Variants in PPP1R14B observed in about 807,000 individuals in gnomAD.
PPP1R14B encodes protein phosphatase 1 regulatory inhibitor subunit 14B.
PPP1R14B carries 4 observed loss-of-function variants against 14.7 expected under a neutral mutation model. That is an observed-to-expected ratio of 0.27 (90% CI 0.13 to 0.62). The LOEUF (loss-of-function observed/expected upper bound fraction) is 0.62, where lower values mean the gene tolerates loss of function less well. Ranked by LOEUF, PPP1R14B falls within the 20% of genes least tolerant of loss-of-function variation. The pLI, the probability that PPP1R14B is intolerant of heterozygous loss-of-function variation, is 0.85. For synonymous variants in PPP1R14B, 76 were observed against 87.3 expected, an observed-to-expected ratio of 0.87 and a Z score of 0.72; for missense variants, 138 against 201.5, an observed-to-expected ratio of 0.68 and a Z score of 1.91.
At chr11:64,245,081 C>T (rs2030821516) in intron 2 of PPP1R14B, 119 bp from the exon 3 acceptor site, 1 of 1,456,680 alleles carries the variant, frequency 6.9e-7, no homozygotes, top group South Asian at 1.3e-5. Context: ...GCCACAACAA[C>T]CTCACAGCTA....
At position 64,246,923 on chromosome 11, in the gene PPP1R14B, C is replaced by T. The variant is rs1414123793; in HGVS notation, c.-250G>A. 1 of 157,502 alleles carries T rather than the reference C, an allele frequency of 6.3e-6. No individual in the cohort carries two copies. Among genetic ancestry groups the T allele is most frequent in the African/African-American group, 2.4e-5 (1 of 41,204 alleles). 9.8% of individuals were successfully genotyped at this position (157,502 alleles called of 1,614,324 possible). A position where few individuals can be genotyped will look rare whatever the true frequency, so the allele number is the denominator to read the frequency against. On this transcript the variant is annotated 5_prime_UTR_variant, in exon 1 of 4. Coordinates refer to ENST00000309318, the MANE Select transcript of PPP1R14B (RefSeq NM_138689.3). ...GCGGCCGCCGCCCGAGCTGCAGCCGCCGAAGCGCTTTCTCTGTCTCGCTCT... is the reference window on the plus strand; with the variant it reads ...GCGGCCGCCGCCCGAGCTGCAGCCGTCGAAGCGCTTTCTCTGTCTCGCTCT...
At chr11:64,246,344 G>A in intron 1 of PPP1R14B, 72 bp downstream of exon 1, 1 of 1,538,914 alleles carries the variant, frequency 6.5e-7, no homozygotes, top group Non-Finnish European at 8.8e-7. Context: ...TGACAGGCGA[G>A]CTCACAGTGG....
At position 64,244,640 on chromosome 11, in the gene PPP1R14B, G is replaced by A. The variant is rs2030794743; in HGVS notation, c.*114C>T. On this transcript the variant is annotated 3_prime_UTR_variant, in exon 4 of 4. Transcript: ENST00000309318. ...GACCCCTGGGCCAGGGGCACGAGGA[G>A]CCCTGCTCATGGCACCAGGCCTGGC... is the stretch of plus-strand genomic sequence containing the variant. The A allele has an allele frequency of 3.3e-6, 5 of 1,515,982 alleles. No homozygotes were observed. Among genetic ancestry groups the A allele is most frequent in the Admixed American group, 1.9e-5 (1 of 53,160 alleles). The allele number at this position is 1,515,982 out of a possible 1,614,324, so 93.9% of individuals were successfully genotyped here. A position where few individuals can be genotyped will look rare whatever the true frequency, so the allele number is the denominator to read the frequency against.
intron 1 of PPP1R14B, 197 bp downstream of exon 1, chr11:64,246,219 G>A (rs938132556): frequency 1.1e-5 from 8 of 695,788 alleles, no homozygotes; most frequent in African/African-American, 1.8e-5. Context: ...GGCAGGGTCC[G>A]AGGCAACGGA....
intron 3 of PPP1R14B, 53 bp from the exon 4 acceptor site, chr11:64,244,875 G>A: frequency 3.7e-6 from 6 of 1,612,740 alleles, no homozygotes; most frequent in Non-Finnish European, 5.1e-6. Flanking sequence ...AAGATGACAG[G>A]AGCCGGGCTC....
chr11:64,245,194 G>A lies in PPP1R14B; in HGVS notation c.342+10C>T. 1 of 1,611,502 alleles carries A rather than the reference G, an allele frequency of 6.2e-7. No individual in the cohort carries two copies. Among genetic ancestry groups the A allele is most frequent in the East Asian group, 2.2e-5 (1 of 44,808 alleles). On this transcript the variant is annotated intron_variant, in intron 2 of 3. Transcript: ENST00000309318. The stretch of plus-strand genomic sequence containing the variant: ...GCCTCAGGCAACCCATCGCCCCCCA[G>A]CCCCCTCACCTTGACCCTGGCAGCC...
At chr11:64,246,179 A>T in intron 1 of PPP1R14B, 1 of 566,962 alleles carries the variant, frequency 1.8e-6, no homozygotes, top group Non-Finnish European at 3.1e-6. Flanking sequence ...GGAGGACACT[A>T]GGCTTGACCT....
In PPP1R14B at chr11:64,246,897, C is replaced by G. The variant is rs1198129726; in HGVS notation, c.-224G>C. The G allele has an allele frequency of 1.1e-5, 2 of 183,866 alleles. No homozygotes were observed. The highest frequency in any genetic ancestry group is 3.8e-4 in the East Asian group (2 of 5,232). The allele number at this position is 183,866 out of a possible 1,614,324, so 11.4% of individuals were successfully genotyped here. A position where few individuals can be genotyped will look rare whatever the true frequency, so the allele number is the denominator to read the frequency against. ...GCCGATCCGCCCGCCCTTTGTCCCCCGCGGCCGCCGCCCGAGCTGCAGCCG... is the reference window on the plus strand; with the variant it reads ...GCCGATCCGCCCGCCCTTTGTCCCCGGCGGCCGCCGCCCGAGCTGCAGCCG... On this transcript the variant is annotated 5_prime_UTR_variant, in exon 1 of 4. Transcript: ENST00000309318.
At chr11:64,245,036 C>A (rs2030818286) in intron 2 of PPP1R14B, 74 bp from the exon 3 acceptor site, 1 of 1,503,826 alleles carries the variant, frequency 6.6e-7, no homozygotes. Flanking sequence ...ATACCCACTT[C>A]CAAGAGACTG....
chr11:64,246,195 G>A (rs1458090874), intron 1 of PPP1R14B: 1 of 605,038 alleles, frequency 1.7e-6, no homozygotes, highest in Non-Finnish European at 2.8e-6. Context: ...GACCTGGGGA[G>A]TGGCATGATG....
rs1315654339 is a variant in PPP1R14B at position 64,245,248 on chromosome 11, G to A, written c.298C>T (p.Leu100Phe). 6.2e-7 allele frequency: 1 copy of A among 1,613,462 alleles called. No individual in the cohort carries two copies. Among genetic ancestry groups the A allele is most frequent in the Non-Finnish European group, 8.5e-7 (1 of 1,179,632 alleles). ...GCATCGTCACTCTCCATGTCCAGGAGCTCATCCACGTCAATCTCCAGTTCT... is the reference window on the plus strand; with the variant it reads ...GCATCGTCACTCTCCATGTCCAGGAACTCATCCACGTCAATCTCCAGTTCT... ...IPELEIDVDE[L>F]LDMESDDARA... is the part of the protein sequence containing the mutation. Residue 100 changes from leucine to phenylalanine, a missense_variant, in exon 2 of 4, where the codon CTC becomes TTC. Physicochemically the swap from Leu to Phe is conservative, Grantham distance 22 (BLOSUM62 0). Coordinates refer to ENST00000309318, the MANE Select transcript of PPP1R14B (RefSeq NM_138689.3).
In PPP1R14B at chr11:64,246,563, T is replaced by A. The variant is rs1449406754; in HGVS notation, c.111A>T (p.Ala37=). ...CGTCCGCCCCGCCCGGGCCCTCTCC[T>A]GCGGCCCCGGGGGGGCTCTGAAAGT... The part of the protein sequence containing the change: ...RVYFQSPPGA[A]GEGPGGADDE... Residue 37 remains alanine, a synonymous_variant, in exon 1 of 4, where the codon GCA becomes GCT. Coordinates refer to ENST00000309318, the MANE Select transcript of PPP1R14B (RefSeq NM_138689.3). 1.2e-6 allele frequency: 2 copies of A among 1,605,932 alleles called. No homozygotes were observed. Among genetic ancestry groups the A allele is most frequent in the Admixed American group, 3.4e-5 (2 of 59,590 alleles).
At chr11:64,246,253 G>C in intron 1 of PPP1R14B, 163 bp downstream of exon 1, 2 of 962,832 alleles carry the variant, frequency 2.1e-6, no homozygotes, top group South Asian at 3.4e-5. Context: ...ACTTAGGTCA[G>C]GCAAGAAAGA....
Position 64,246,733 on chromosome 11 carries a change from C to A in PPP1R14B, c.-60G>T. On this transcript the variant is annotated 5_prime_UTR_variant, in exon 1 of 4. Transcript: ENST00000309318. ...CCTCCCTGCGCCACCGCCTCCGGGA[C>A]GCCCGCCGGCTGGCTCGGGTTAGCT... 2.0e-6 allele frequency: 2 copies of A among 996,710 alleles called. No homozygotes were observed. Among genetic ancestry groups the A allele is most frequent in the Non-Finnish European group, 1.2e-6 (1 of 839,142 alleles). 61.7% of individuals were successfully genotyped at this position (996,710 alleles called of 1,614,324 possible). A position where few individuals can be genotyped will look rare whatever the true frequency, so the allele number is the denominator to read the frequency against.
At chr11:64,245,577 T>G in intron 1 of PPP1R14B, 1 of 408,352 alleles carries the variant, frequency 2.4e-6, no homozygotes. Context: ...CCAGCAGATG[T>G]GTCTCCCCAA....
In PPP1R14B at chr11:64,246,480, A is replaced by T; in HGVS notation, c.194T>A (p.Leu65Gln). 3 of 1,610,138 alleles carry T rather than the reference A, an allele frequency of 1.9e-6. No homozygotes were observed. Among genetic ancestry groups the T allele is most frequent in the Non-Finnish European group, 2.5e-6 (3 of 1,179,204 alleles). The change falls in exon 1 of 4, where the codon CTA becomes CAA. Residue 65 changes from leucine to glutamine, a missense_variant. Leu to Gln is a moderately radical substitution (Grantham distance 113). Around this residue, in one of 3 missense-constraint regions of PPP1R14B, gnomAD observed 84 missense variants for 137.5 expected, o/e 0.61. Transcript: ENST00000309318. ...KVTVKYDRKE[L>Q]RKRLNLEEWI... ...CTCCTCTAGGTTGAGGCGCTTCCGTAGCTCCTTGCGGTCATACTTGACGGT... is the reference window on the plus strand; with the variant it reads ...CTCCTCTAGGTTGAGGCGCTTCCGTTGCTCCTTGCGGTCATACTTGACGGT...
chr11:64,245,607 A>C, intron 1 of PPP1R14B: 1 of 337,844 alleles, frequency 3.0e-6, no homozygotes. Context: ...CCCCCATCTC[A>C]CCAGAGCACC....
chr11:64,244,991 G>C, intron 2 of PPP1R14B, 29 bp from the exon 3 acceptor site: 1 of 1,601,334 alleles, frequency 6.2e-7, no homozygotes, highest in East Asian at 2.2e-5. Context: ...GGAAGGATAA[G>C]TGAGTCCTCA....
Position 64,246,763 on chromosome 11 carries a change from G to C in PPP1R14B, c.-90C>G. On this transcript the variant is annotated 5_prime_UTR_variant, in exon 1 of 4. Transcript: ENST00000309318. ...GCCGGCTGGCTCGGGTTAGCTCGCC[G>C]GCTCCGCTCCGCGCGGCTCCGCGGC... is the stretch of plus-strand genomic sequence containing the variant. 1 of 973,398 alleles carries C rather than the reference G, an allele frequency of 1.0e-6. No individual in the cohort carries two copies. The highest frequency in any genetic ancestry group is 1.2e-6 in the Non-Finnish European group (1 of 820,466). The allele number at this position is 973,398 out of a possible 1,614,324, so 60.3% of individuals were successfully genotyped here.
Sources: allele counts gnomAD v4.1 joint callset, GRCh38; gene constraint gnomAD v4.1.1; regional missense constraint gnomAD v4.1.1; transcripts MANE v1.5; gene names NCBI Gene and HGNC (gene_info 2026-07-23, HGNC 2026-07-21).